ANTXR1: variants seen among roughly 807,000 people sequenced by gnomAD.
ANTXR1 encodes the protein anthrax toxin receptor 1.
Under a neutral mutation model 78.1 loss-of-function variants are expected in ANTXR1, and 19 were observed. That is an observed-to-expected ratio of 0.24 (90% CI 0.17 to 0.36). The LOEUF (loss-of-function observed/expected upper bound fraction) is 0.36. ANTXR1 is among the 10% of genes least tolerant of loss of function. The pLI is 1.00. For synonymous variants in ANTXR1, 273 were observed against 260.5 expected, an observed-to-expected ratio of 1.05 and a Z score of -0.46; for missense variants, 518 against 718.6, an observed-to-expected ratio of 0.72 and a Z score of 3.19.
intron 12 of ANTXR1, among the ~76,000 whole-genome samples, chr2:69,142,238 C>T (rs143246696): frequency 1.4e-3 from 220 of 152,300 alleles, no homozygotes; most frequent in African/African-American, 4.9e-3. Flanking sequence ...AACGTAGGCT[C>T]CAACGCCATT....
At chr2:69,220,584 G>A (rs2104509931) in intron 17 of ANTXR1, among the ~76,000 whole-genome samples, 2 of 152,288 alleles carry the variant, frequency 1.3e-5, no homozygotes, top group South Asian at 4.1e-4. Flanking sequence ...CTATGATTAT[G>A]AATTATGATA....
chr2:69,232,114 T>C (rs151010546), intron 17 of ANTXR1, among the ~76,000 whole-genome samples: 145 of 152,232 alleles, frequency 9.5e-4, no homozygotes, highest in African/African-American at 3.2e-3. Flanking sequence ...TTTGTGCAAA[T>C]ATAATTGTGT....
At chr2:69,055,851 G>C (rs888323714) in intron 3 of ANTXR1, among the ~76,000 whole-genome samples, 1 of 152,186 alleles carries the variant, frequency 6.6e-6, no homozygotes, top group African/African-American at 2.4e-5. Context: ...AGAAAACACA[G>C]ACTTTGGACC....
intron 14 of ANTXR1, among the ~76,000 whole-genome samples, chr2:69,174,639 A>G (rs1485813157): frequency 2.0e-5 from 3 of 151,304 alleles, no homozygotes; most frequent in Non-Finnish European, 4.4e-5. Flanking sequence ...AAAAAAAGAG[A>G]GAGAGAGAGA....
At chr2:69,079,616 T>C (rs1010639317) in intron 8 of ANTXR1, among the ~76,000 whole-genome samples, 4 of 152,138 alleles carry the variant, frequency 2.6e-5, no homozygotes, top group African/African-American at 9.7e-5. Flanking sequence ...CAGATTAACA[T>C]GAGCCTCGAA....
At chr2:69,030,711 C>A (rs1419247177) in intron 1 of ANTXR1, among the ~76,000 whole-genome samples, 1 of 152,082 alleles carries the variant, frequency 6.6e-6, no homozygotes, top group Non-Finnish European at 1.5e-5. Flanking sequence ...TTCAAATGCC[C>A]ATGAAATATT....
chr2:69,237,600 T>A lies in ANTXR1; in HGVS notation c.1435-7625T>A, dbSNP rs191968843. ...CACATCAGGCTAATTTTTTTTATTTTTTGTAGATACGGGGTCTCACTGTGT... is the reference window on the plus strand; with the variant it reads ...CACATCAGGCTAATTTTTTTTATTTATTGTAGATACGGGGTCTCACTGTGT... On this transcript the variant is annotated intron_variant, in intron 17 of 17. Transcript: ENST00000303714. Among the ~76,000 whole-genome samples, 6 of 152,270 alleles carry A rather than the reference T, an allele frequency of 3.9e-5. 1 individual carries two copies.
At chr2:69,021,382 A>C (rs1671184424) in intron 1 of ANTXR1, among the ~76,000 whole-genome samples, 1 of 152,234 alleles carries the variant, frequency 6.6e-6, no homozygotes, top group Admixed American at 6.5e-5. Context: ...CTGTGATAAC[A>C]AATAACCCCC....
At chr2:69,190,100 G>A (rs1466165653) in intron 16 of ANTXR1, among the ~76,000 whole-genome samples, 2 of 152,300 alleles carry the variant, frequency 1.3e-5, no homozygotes, top group African/African-American at 4.8e-5. Context: ...AGGCAGAGGG[G>A]GAGGAGCAGA....
chr2:69,231,843 A>G (rs1033338163), intron 17 of ANTXR1, among the ~76,000 whole-genome samples: 2 of 152,168 alleles, frequency 1.3e-5, no homozygotes, highest in South Asian at 4.1e-4. Flanking sequence ...GGCAGGCTCA[A>G]AGCTAGCACA....
intron 17 of ANTXR1, among the ~76,000 whole-genome samples, chr2:69,225,630 A>G (rs896880948): frequency 3.1e-4 from 47 of 152,068 alleles, no homozygotes; most frequent in Non-Finnish European, 6.3e-4. Flanking sequence ...GCACTCATTA[A>G]CCTCATGGGT....
At chr2:69,092,229 A>G (rs1406340704) in intron 9 of ANTXR1, among the ~76,000 whole-genome samples, 1 of 152,192 alleles carries the variant, frequency 6.6e-6, no homozygotes, top group African/African-American at 2.4e-5. Context: ...CACTACACAC[A>G]TCAATGTTTA....
At chr2:69,056,152 CT>C (rs1327370135) in intron 3 of ANTXR1, among the ~76,000 whole-genome samples, 38 of 152,184 alleles carry the variant, frequency 2.5e-4, no homozygotes, top group African/African-American at 8.9e-4. Context: ...GCAAGGTAAA[CT>C]TTAGAAGTAG....
chr2:69,140,119 A>T lies in ANTXR1; in HGVS notation c.952-12050A>T, dbSNP rs117788585. 1.9e-3 allele frequency among the ~76,000 whole-genome samples: 295 copies of T among 152,368 alleles called. 5 individuals carry two copies. The East Asian group carries it at 0.038, about 20-fold the overall frequency. ...AATCACCTTCACCATCGTAAGTAAC[A>T]TGAAATGTCATGACTGGGTCAGGGT... On this transcript the variant is annotated intron_variant, in intron 12 of 17. Coordinates refer to ENST00000303714, the MANE Select transcript of ANTXR1 (RefSeq NM_032208.3).
chr2:69,149,417 G>A (rs376906527), intron 12 of ANTXR1, among the ~76,000 whole-genome samples: 2 of 152,082 alleles, frequency 1.3e-5, no homozygotes, highest in Non-Finnish European at 1.5e-5. Flanking sequence ...CTTCATTCTC[G>A]CTACTTCACG....
chr2:69,128,062 T>C (rs1672605277), intron 12 of ANTXR1, among the ~76,000 whole-genome samples: 1 of 151,968 alleles, frequency 6.6e-6, no homozygotes, highest in Non-Finnish European at 1.5e-5. Context: ...CTGCCTCTAC[T>C]AAAATACAAA....
Position 69,121,359 on chromosome 2 carries a change from C to T in ANTXR1, c.803-1658C>T, listed in dbSNP as rs112020744. 9.6e-3 allele frequency among the ~76,000 whole-genome samples: 1,461 copies of T among 152,314 alleles called. 17 individuals are homozygous for T. The highest frequency in any genetic ancestry group is 0.013 in the Non-Finnish European group (888 of 68,024). On this transcript the variant is annotated intron_variant, in intron 10 of 17. Coordinates refer to ENST00000303714, the MANE Select transcript of ANTXR1 (RefSeq NM_032208.3). ...GAGACTGTGTTTCTCTTCTCAAAGC[C>T]TGCATCTCTAGTATATAGTAGGTCT...
chr2:69,125,859 G>T (rs989380474), intron 12 of ANTXR1, among the ~76,000 whole-genome samples: 1 of 151,876 alleles, frequency 6.6e-6, no homozygotes, highest in Non-Finnish European at 1.5e-5. Context: ...ATTAAAAAAA[G>T]ACATCAGCCC....
At chr2:69,201,276 A>T (rs1674766420) in intron 17 of ANTXR1, among the ~76,000 whole-genome samples, 1 of 152,084 alleles carries the variant, frequency 6.6e-6, no homozygotes, top group Non-Finnish European at 1.5e-5. Context: ...GGGGGAATGG[A>T]GTTGGGGAGG....
Sources: allele counts gnomAD v4.1 joint callset (sites outside exome capture counted in the v4.1 genomes callset), GRCh38; gene constraint gnomAD v4.1.1; transcripts MANE v1.5; gene names NCBI Gene and HGNC (gene_info 2026-07-23, HGNC 2026-07-21).